DNAH10: variants seen among roughly 807,000 people sequenced by gnomAD.
The protein encoded by DNAH10 is axonemal beta dynein heavy chain 10.
A neutral mutation model predicts 506.6 loss-of-function variants in DNAH10; 348 were observed. The ratio of observed to expected loss-of-function variants is 0.69; its 90% CI spans 0.63 to 0.75. The LOEUF is 0.75. DNAH10 is among the 30% of genes least tolerant of loss of function. DNAH10 has a pLI of 0.00. For synonymous variants in DNAH10, 2,059 were observed against 2,198.6 expected (o/e 0.94, Z 1.78); for missense variants, 5,179 against 5,787.1 (o/e 0.89, Z 3.41).
chr12:123,843,027 T>C (rs540974762), intron 30 of DNAH10, among the ~76,000 whole-genome samples: 24 of 152,264 alleles, frequency 1.6e-4, no homozygotes, highest in Non-Finnish European at 3.4e-4. Context: ...TCCAAAATAC[T>C]GTGAAGTTTA....
intron 16 of DNAH10, 95 bp downstream of exon 16, chr12:123,801,527 T>C: frequency 6.9e-7 from 1 of 1,443,042 alleles, no homozygotes; most frequent in East Asian, 2.3e-5. Flanking sequence ...CATATGTTTA[T>C]AGAGACAATT....
At chr12:123,921,188 A>G (rs1479988525) in intron 65 of DNAH10, among the ~76,000 whole-genome samples, 3 of 152,176 alleles carry the variant, frequency 2.0e-5, no homozygotes, top group Admixed American at 6.5e-5. Context: ...TCAAATGCCA[A>G]TACATGTAGT....
intron 29 of DNAH10, among the ~76,000 whole-genome samples, chr12:123,840,497 T>C (rs1372063129): frequency 1.4e-5 from 2 of 144,820 alleles, no homozygotes; most frequent in African/African-American, 5.1e-5. Flanking sequence ...CTCTACCTCC[T>C]GGGCTCAAGC....
chr12:123,882,080 T>C (rs1952534855), intron 51 of DNAH10: 3 of 347,668 alleles, frequency 8.6e-6, no homozygotes, highest in African/African-American at 4.2e-5. Flanking sequence ...GTCAAAAATA[T>C]TGTCAGTTGA....
Position 123,787,797 on chromosome 12 carries a change from T to G in DNAH10, c.1422-7T>G. On this transcript the variant is annotated splice_polypyrimidine_tract_variant and splice_region_variant and intron_variant, in intron 9 of 78. Coordinates refer to ENST00000673944, the MANE Select transcript of DNAH10 (RefSeq NM_001372106.1). The surrounding 1 kb of genome is among the most constrained non-coding windows in gnomAD (Gnocchi z 4.6). The stretch of plus-strand genomic sequence containing the variant: ...TCCTCCCATCACGGCATCTCTTGGC[T>G]TCGCAGAGAAAATCGAGCGAGTGCC... 6.2e-7 allele frequency: 1 copy of G among 1,612,530 alleles called. No individual in the cohort carries two copies.
chr12:123,889,970 G>T (rs1952904955), intron 52 of DNAH10, among the ~76,000 whole-genome samples: 1 of 152,132 alleles, frequency 6.6e-6, no homozygotes, highest in South Asian at 2.1e-4. Context: ...CTTCTCTCTT[G>T]TGGGGACCCC....
In DNAH10 at chr12:123,914,300, A is replaced by G. The variant is rs1954362078; in HGVS notation, c.10353-29A>G. 4 of 1,546,294 alleles carry G rather than the reference A, an allele frequency of 2.6e-6. No individual in the cohort carries two copies. In the African/African-American group the frequency reaches 4.3e-5, roughly 17 times the overall value. ...TTGGTTGTGGCCAGAAGGTAAACTC[A>G]CGGCAGCCTCCCTCTCCTCCCGTGC... On this transcript the variant is annotated intron_variant, in intron 60 of 78. Coordinates refer to ENST00000673944, the MANE Select transcript of DNAH10 (RefSeq NM_001372106.1).
At position 123,785,920 on chromosome 12, in the gene DNAH10, C is replaced by T. The variant is rs116310078; in HGVS notation, c.1405C>T (p.Leu469=). The T allele has an allele frequency of 8.4e-4, 1,361 of 1,610,902 alleles. 12 individuals are homozygous for T. In the African/African-American group the frequency reaches 0.017, roughly 20 times the overall value. ...TGAGAGAGTCTGCCGAGTGGTCAAC[C>T]TGCGGACTTTGTTCAAGTAAGAAGC... The part of the protein sequence containing the change: ...IAERVCRVVN[L]RTLFKENRAS... The change falls in exon 9 of 79, where the codon CTG becomes TTG. Residue 469 remains leucine (L), a synonymous_variant. Coordinates refer to ENST00000673944, the MANE Select transcript of DNAH10 (RefSeq NM_001372106.1). This position sits in a 1 kb window ranked among gnomAD's most constrained non-coding sequence, Gnocchi z 4.1.
Position 123,796,773 on chromosome 12 carries a change from C to G in DNAH10, c.2104C>G (p.His702Asp), listed in dbSNP as rs767693047. ...ACGATCTCTGTTCTTTCGGATTAAGCATACCATCCTCCGATTTCAAGAGGT... is the reference window on the plus strand; with the variant it reads ...ACGATCTCTGTTCTTTCGGATTAAGGATACCATCCTCCGATTTCAAGAGGT... ...WERSLFFRIK[H>D]TILRFQEVQE... The change falls in exon 13 of 79, where the codon CAT becomes GAT. Residue 702 changes from histidine (H) to aspartate (D), a missense_variant. Physicochemically the swap from His to Asp is moderately conservative, Grantham distance 81 (BLOSUM62 -1). Transcript: ENST00000673944. 1 of 1,614,110 alleles carries G rather than the reference C, an allele frequency of 6.2e-7. No homozygotes were observed. The highest frequency in any genetic ancestry group is 1.7e-5 in the Admixed American group (1 of 60,020).
rs1566048503 is a variant in DNAH10, at chr12:123,886,668, G to GA, written c.8824-474_8824-473insA. Among the ~76,000 whole-genome samples, 31 of 150,362 alleles carry GA rather than the reference G, an allele frequency of 2.1e-4. No individual in the cohort carries two copies. The East Asian group carries it at 3.3e-3, about 16-fold the overall frequency. ...AACAGAGAGAGATCTCTCAGTTCCT[G>GA]GAAATCTGCCATGTTTCTGACAGTC... is the stretch of plus-strand genomic sequence containing the variant. On this transcript the variant is annotated intron_variant, in intron 51 of 78. Transcript: ENST00000673944.
Position 123,934,710 on chromosome 12 carries a change from G to A in DNAH10, c.13567G>A (p.Val4523Met). The A allele has an allele frequency of 3.1e-6, 5 of 1,613,858 alleles. No individual in the cohort carries two copies. Among genetic ancestry groups the A allele is most frequent in the Non-Finnish European group, 4.2e-6 (5 of 1,179,848 alleles). The change falls in exon 78 of 79, where the codon GTG becomes ATG. Residue 4523 changes from valine (V) to methionine (M), a missense_variant. Physicochemically the swap from Val to Met is conservative, Grantham distance 21. Coordinates refer to ENST00000673944, the MANE Select transcript of DNAH10 (RefSeq NM_001372106.1). The stretch of plus-strand genomic sequence containing the variant: ...CAAGAGCAAACCCAAGGTGCTGGTT[G>A]TGGACCTGCCGATCCTGAAGATCAT... ...LIKSKPKVLV[V>M]DLPILKIIPI... is the part of the protein sequence containing the mutation.
chr12:123,789,042 G>A (rs1957977293), intron 10 of DNAH10, among the ~76,000 whole-genome samples: 1 of 152,146 alleles, frequency 6.6e-6, no homozygotes, highest in Non-Finnish European at 1.5e-5. Flanking sequence ...GAGGTCAGGA[G>A]TTCAAGACTA....
At chr12:123,773,035 A>G in intron 4 of DNAH10, 93 bp downstream of exon 4, 1 of 836,680 alleles carries the variant, frequency 1.2e-6, no homozygotes, top group Non-Finnish European at 1.9e-6. Flanking sequence ...TTTTATGGTT[A>G]TCTTTCACCT....
chr12:123,926,989 T>C lies in DNAH10; in HGVS notation c.12105+169T>C. The C allele has an allele frequency of 1.4e-6, 1 of 715,478 alleles. No individual in the cohort carries two copies. The highest frequency in any genetic ancestry group is 1.9e-5 in the South Asian group (1 of 52,176). 44.3% of individuals were successfully genotyped at this position (715,478 alleles called of 1,614,324 possible). On this transcript the variant is annotated intron_variant, in intron 69 of 78. Coordinates refer to ENST00000673944, the MANE Select transcript of DNAH10 (RefSeq NM_001372106.1). The surrounding 1 kb of genome is among the most constrained non-coding windows in gnomAD (Gnocchi z 4.1). ...ACTGGGAAGATGACAATAATAGTTA[T>C]GATTTCACAACCTCATGTTGTGATC...
chr12:123,771,520 G>T (rs560851847), intron 2 of DNAH10, 81 bp from the exon 3 acceptor site: 4 of 1,130,778 alleles, frequency 3.5e-6, no homozygotes, highest in Non-Finnish European at 5.2e-6. Context: ...ATGTACTGGT[G>T]CACAAAATGC....
intron 43 of DNAH10, 124 bp from the exon 44 acceptor site, chr12:123,870,242 T>C (rs1353968600): frequency 5.5e-6 from 7 of 1,279,818 alleles, no homozygotes; most frequent in South Asian, 4.3e-5. Flanking sequence ...AGGAGCAGCA[T>C]TGAAGTACTC....
At chr12:123,885,027 A>T (rs1291505585) in intron 51 of DNAH10, among the ~76,000 whole-genome samples, 1 of 152,336 alleles carries the variant, frequency 6.6e-6, no homozygotes, top group East Asian at 1.9e-4. Flanking sequence ...TCATAAGTTG[A>T]AAATATTATA....
chr12:123,887,267 G>T lies in DNAH10; in HGVS notation c.8949G>T (p.Val2983=). 1 of 1,613,972 alleles carries T rather than the reference G, an allele frequency of 6.2e-7. No individual in the cohort carries two copies. The highest frequency in any genetic ancestry group is 2.2e-5 in the East Asian group (1 of 44,882). Residue 2983 remains valine, a synonymous_variant, in exon 52 of 79, where the codon GTG becomes GTT. Coordinates refer to ENST00000673944, the MANE Select transcript of DNAH10 (RefSeq NM_001372106.1). ...AMIFLFTDAH[V]AEEGFLELIN... Reference sequence around the variant, plus strand: ...TCTTTCTGTTCACGGATGCCCATGTGGCTGAGGAGGGCTTCCTGGAGCTCA... The same window carrying T: ...TCTTTCTGTTCACGGATGCCCATGTTGCTGAGGAGGGCTTCCTGGAGCTCA...
chr12:123,817,961 T>C (rs910701612), intron 21 of DNAH10, among the ~76,000 whole-genome samples: 7 of 151,446 alleles, frequency 4.6e-5, no homozygotes, highest in Non-Finnish European at 8.9e-5. Context: ...TTTTTTTTTT[T>C]TTTTTGAGAT....
Sources: allele counts gnomAD v4.1 joint callset (sites outside exome capture counted in the v4.1 genomes callset), GRCh38; gene constraint gnomAD v4.1.1; non-coding constraint Gnocchi (gnomAD v3.1); transcripts MANE v1.5; gene names NCBI Gene and HGNC (gene_info 2026-07-23, HGNC 2026-07-21).